The following PARP10 variants were observed in gnomAD, a reference collection of about 807,000 sequenced individuals.
The protein encoded by PARP10 is protein mono-ADP-ribosyltransferase PARP10.
PARP10 carries 56 observed loss-of-function variants against 82.4 expected under a neutral mutation model. The observed-to-expected ratio is 0.68, with a 90% CI of 0.55 to 0.85. PARP10 has a LOEUF of 0.85. PARP10 is among the 40% of genes least tolerant of loss of function. The pLI, the probability that PARP10 is intolerant of heterozygous loss-of-function variation, is 0.00. For synonymous variants in PARP10, 576 were observed against 601.1 expected (o/e 0.96, Z 0.61); for missense variants, 1,227 against 1,379.4 (o/e 0.89, Z 1.75).
At chr8:143,979,288 C>A (rs992799603) in intron 9 of PARP10, among the ~76,000 whole-genome samples, 1 of 151,972 alleles carries the variant, frequency 6.6e-6, no homozygotes, top group Admixed American at 6.6e-5. Flanking sequence ...TGCAAGTTTA[C>A]ACACACACAC....
In PARP10 at chr8:143,984,794, A is replaced by G. The variant is rs782447985; in HGVS notation, c.1208T>C (p.Ile403Thr). Residue 403 changes from isoleucine to threonine, a missense_variant, in exon 5 of 11, where the codon ATT (isoleucine) becomes ACT (threonine). Physicochemically the swap from Ile to Thr is moderately conservative, Grantham distance 89. Coordinates refer to ENST00000313028, the MANE Select transcript of PARP10 (RefSeq NM_032789.5). ...CTCTTGCTCTGGTGAGTCCATGGCAATTTCCACCAGGCCCTCCTGCCCCAG... is the reference window on the plus strand; with the variant it reads ...CTCTTGCTCTGGTGAGTCCATGGCAGTTTCCACCAGGCCCTCCTGCCCCAG... ...GLLGQEGLVE[I>T]AMDSPEQEGL... 6.8e-6 allele frequency: 11 copies of G among 1,612,048 alleles called. No individual in the cohort carries two copies. Among genetic ancestry groups the G allele is most frequent in the East Asian group, 2.2e-5 (1 of 44,796 alleles).
In PARP10 at chr8:144,011,187, C is replaced by T. The variant is rs182094857; in HGVS notation, c.-80+1343G>A. ...TGACTGCATCAACCCAAGAGGCTAA[C>T]AGTGAAATAAGACCATGACAAGCTA... On this transcript the variant is annotated intron_variant, in intron 1 of 3. Coordinates refer to the PARP10 transcript ENST00000530478. The surrounding 1 kb of genome is among the most constrained non-coding windows in gnomAD (Gnocchi z 4.5). Among the ~76,000 whole-genome samples the T allele has an allele frequency of 1.1e-3, 170 of 152,224 alleles. No homozygotes were observed. Among genetic ancestry groups the T allele is most frequent in the Non-Finnish European group, 2.0e-3 (137 of 68,012 alleles).
rs1451886619 is a variant in PARP10 at position 143,983,522 on chromosome 8, C to T, written c.2067G>A (p.Glu689=). The T allele has an allele frequency of 1.3e-5, 21 of 1,605,824 alleles. No homozygotes were observed. Among genetic ancestry groups the T allele is most frequent in the Non-Finnish European group, 1.7e-5 (20 of 1,176,670 alleles). ...GCTCTTCTGCCTCCAACGGGGGCTG[C>T]TCCAGCAGGGAGAGGGTTAGGGCTT... ...LRQALTLSLL[E]QPPLEAEEPP... is the part of the protein sequence containing the mutation. Residue 689 remains glutamate (E), a synonymous_variant, in exon 8 of 11, where the codon GAG becomes GAA. Transcript: ENST00000313028.
upstream of PARP10, chr8:143,992,301 C>T: frequency 3.1e-6 from 5 of 1,590,394 alleles, no homozygotes; most frequent in Non-Finnish European, 4.3e-6. Flanking sequence ...GCTTCTACAA[C>T]ACCGAGGCAG....
At chr8:143,980,740 A>C (rs1385344786) in intron 9 of PARP10, among the ~76,000 whole-genome samples, 1 of 152,168 alleles carries the variant, frequency 6.6e-6, no homozygotes, top group African/African-American at 2.4e-5. Context: ...AAGTCAAAAA[A>C]AGAAAAGCCA....
chr8:144,009,397 T>C (rs768253169), intron 1 of PARP10, among the ~76,000 whole-genome samples: 2 of 152,204 alleles, frequency 1.3e-5, no homozygotes, highest in Non-Finnish European at 2.9e-5. Flanking sequence ...GCCTCCCAGC[T>C]CAGCCTTCTC....
At chr8:144,009,861 A>T (rs949093011) in intron 1 of PARP10, among the ~76,000 whole-genome samples, 1 of 152,018 alleles carries the variant, frequency 6.6e-6, no homozygotes, top group African/African-American at 2.4e-5. Context: ...AACATTTCTC[A>T]GCTCTGCCCA....
At chr8:144,007,031 C>G (rs952825872) in intron 1 of PARP10, among the ~76,000 whole-genome samples, 1 of 152,160 alleles carries the variant, frequency 6.6e-6, no homozygotes, top group Non-Finnish European at 1.5e-5. Context: ...TCTGCCCCAC[C>G]AAACATTGTT....
exon 1 of PARP10, chr8:144,012,594 T>C (rs956780551): frequency 1.9e-6 from 3 of 1,551,654 alleles, no homozygotes; most frequent in Non-Finnish European, 2.6e-6. Context: ...ACTGAAGAAG[T>C]TGGTGCGGCT....
Position 143,985,887 on chromosome 8 carries a change from G to A in PARP10, c.270C>T (p.Arg90=). ...LRPAPPRAPA[R]LLLQGLPPGT... is the part of the protein sequence containing the mutation. The stretch of plus-strand genomic sequence containing the variant: ...CAGGGGGCAGTCCTTGGAGCAGCAG[G>A]CGTGCAGGGGCTCGTGGTGGAGCTG... The change falls in exon 3 of 11, where the codon CGC becomes CGT. Residue 90 remains arginine, a synonymous_variant. Coordinates refer to ENST00000313028, the MANE Select transcript of PARP10 (RefSeq NM_032789.5). The A allele has an allele frequency of 3.8e-6, 6 of 1,590,062 alleles. No homozygotes were observed. The highest frequency in any genetic ancestry group is 5.1e-6 in the Non-Finnish European group (6 of 1,165,322).
At chr8:143,991,092 T>C, upstream of PARP10, 2 of 624,252 alleles carry the variant, frequency 3.2e-6, no homozygotes, top group East Asian at 6.1e-5. Context: ...GTCACGGTCT[T>C]CCCTTGCTTC....
At chr8:144,000,787 A>G (rs1360513811) in intron 1 of PARP10, among the ~76,000 whole-genome samples, 1 of 152,198 alleles carries the variant, frequency 6.6e-6, no homozygotes, top group Non-Finnish European at 1.5e-5. Flanking sequence ...GCTCACACCT[A>G]TAATCCCAGA....
At chr8:144,007,942 G>A (rs548945595) in intron 1 of PARP10, among the ~76,000 whole-genome samples, 10 of 152,248 alleles carry the variant, frequency 6.6e-5, no homozygotes, top group African/African-American at 1.2e-4. Flanking sequence ...TACAATAAGC[G>A]CTCAATAATG....
At chr8:143,986,023 A>G (rs1833982530) in intron 2 of PARP10, 32 bp downstream of exon 2, 1 of 1,608,406 alleles carries the variant, frequency 6.2e-7, no homozygotes, top group African/African-American at 1.3e-5. Flanking sequence ...ATATCAGGGC[A>G]CCCAGGCTGT....
Position 143,984,831 on chromosome 8 carries a change from A to G in PARP10, c.1171T>C (p.Ser391Pro). 6.2e-7 allele frequency: 1 copy of G among 1,612,372 alleles called. No homozygotes were observed. Among genetic ancestry groups the G allele is most frequent in the Non-Finnish European group, 8.5e-7 (1 of 1,178,972 alleles). ...CCCTCCTGCCCCAGCAACCCCTTAG[A>G]GGTCTCCACTGGGCCTGCAGACCCC... ...PVGSAGPVETSKGLLGQEGLV... is the reference protein window; with the variant it reads ...PVGSAGPVETPKGLLGQEGLV... Residue 391 changes from serine (S) to proline (P), a missense_variant, in exon 5 of 11, where the codon TCT becomes CCT. By Grantham distance (74) the Ser-to-Pro change is moderately conservative. Coordinates refer to ENST00000313028, the MANE Select transcript of PARP10 (RefSeq NM_032789.5).
At chr8:144,012,294 G>T in intron 1 of PARP10, 1 of 565,166 alleles carries the variant, frequency 1.8e-6, no homozygotes, top group Non-Finnish European at 3.2e-6. Context: ...TCCAGGCCGA[G>T]GCAAGGCCTG....
At position 143,985,724 on chromosome 8, in the gene PARP10, C is replaced by T; in HGVS notation, c.433G>A (p.Ala145Thr). Reference sequence around the variant, plus strand: ...CAACCCCAACCCTGCCTCTCACCTGCCTCAGAAAGGGGCTTGGGCAACTGG... The same window carrying T: ...CAACCCCAACCCTGCCTCTCACCTGTCTCAGAAAGGGGCTTGGGCAACTGG... ...LVQLPKPLSEADVRVLEEQAQ... is the reference protein window; with the variant it reads ...LVQLPKPLSETDVRVLEEQAQ... Residue 145 changes from alanine to threonine, a missense_variant, in exon 3 of 11, where the codon GCA (alanine) becomes ACA (threonine). Physicochemically the swap from Ala to Thr is moderately conservative, Grantham distance 58 (BLOSUM62 0). Coordinates refer to ENST00000313028, the MANE Select transcript of PARP10 (RefSeq NM_032789.5). 1.2e-6 allele frequency: 2 copies of T among 1,603,962 alleles called. No individual in the cohort carries two copies. Among genetic ancestry groups the T allele is most frequent in the Non-Finnish European group, 1.7e-6 (2 of 1,173,906 alleles).
At chr8:144,012,349 G>A (rs1203514500) in intron 1 of PARP10, 1 of 622,320 alleles carries the variant, frequency 1.6e-6, no homozygotes, top group Non-Finnish European at 2.9e-6. Context: ...TTAGAGCAGA[G>A]AGGGCAAGGA....
intron 1 of PARP10, among the ~76,000 whole-genome samples, chr8:143,997,322 A>T (rs1291389457): frequency 6.6e-6 from 1 of 152,126 alleles, no homozygotes; most frequent in African/African-American, 2.4e-5. Context: ...CTTTCACTGC[A>T]ACTTCCAAAC....
Sources: allele counts gnomAD v4.1 joint callset (sites outside exome capture counted in the v4.1 genomes callset), GRCh38; gene constraint gnomAD v4.1.1; non-coding constraint Gnocchi (gnomAD v3.1); transcripts MANE v1.5; gene names NCBI Gene and HGNC (gene_info 2026-07-23, HGNC 2026-07-21).